KLHL8: variants seen among roughly 807,000 people sequenced by gnomAD.
KLHL8 encodes kelch like family member 8, also known as kelch-like protein 8.
Under a neutral mutation model 63.5 loss-of-function variants are expected in KLHL8, and 38 were observed. The observed-to-expected ratio is 0.60, with a 90% CI of 0.46 to 0.78. The LOEUF is 0.78. Among genes scored for constraint, KLHL8 ranks in the 30% least tolerant of loss-of-function variants. The pLI, the probability that KLHL8 is intolerant of heterozygous loss-of-function variation, is 0.00. For synonymous variants in KLHL8, 224 were observed against 254.3 expected (o/e 0.88, Z 1.13); for missense variants, 566 against 752.4 (o/e 0.75, Z 2.90).
At chr4:87,169,490 T>G (rs1172346388) in intron 8 of KLHL8, among the ~76,000 whole-genome samples, 2 of 152,212 alleles carry the variant, frequency 1.3e-5, no homozygotes, top group African/African-American at 4.8e-5. Flanking sequence ...TTAAATAAAT[T>G]TGTTACTCTT....
chr4:87,170,439 T>C lies in KLHL8; in HGVS notation c.1377+8A>G, dbSNP rs200101206. 482 of 1,588,998 alleles carry C rather than the reference T, an allele frequency of 3.0e-4. No individual in the cohort carries two copies. The highest frequency in any genetic ancestry group is 4.0e-4 in the Non-Finnish European group (471 of 1,171,956). On this transcript the variant is annotated splice_region_variant and intron_variant, in intron 7 of 9. Transcript: ENST00000273963. ...TGTAATTTAATGACAAGTTGCCATA[T>C]AACTTACTACTAGAGCAACAGAGCC...
intron 1 of KLHL8, among the ~76,000 whole-genome samples, chr4:87,209,318 T>A (rs774189903): frequency 6.6e-6 from 1 of 152,148 alleles, no homozygotes; most frequent in Non-Finnish European, 1.5e-5. Flanking sequence ...TGGCACATCA[T>A]TGTCATAACA....
rs929488973 is a variant in KLHL8 at position 87,160,634 on chromosome 4, A to G, written c.*2885T>C. The G allele has an allele frequency of 2.0e-5, 3 of 152,362 alleles. No individual in the cohort carries two copies. The East Asian group carries it at 5.8e-4, about 29-fold the overall frequency. The allele number at this position is 152,362 out of a possible 1,614,324, so 9.4% of individuals were successfully genotyped here. On this transcript the variant is annotated 3_prime_UTR_variant, in exon 10 of 10. Coordinates refer to ENST00000273963, the MANE Select transcript of KLHL8 (RefSeq NM_020803.5). The stretch of plus-strand genomic sequence containing the variant: ...TAATCAATTAATTACATAAGTATAT[A>G]GTGAAATCTGTCAAAAACAATGTCA...
chr4:87,175,493 T>C (rs1173672346), intron 6 of KLHL8, among the ~76,000 whole-genome samples: 1 of 152,202 alleles, frequency 6.6e-6, no homozygotes, highest in African/African-American at 2.4e-5. Context: ...TTAAAATACC[T>C]AAGGCAGGTT....
chr4:87,201,419 A>T (rs1469914491), intron 1 of KLHL8, among the ~76,000 whole-genome samples: 1 of 152,244 alleles, frequency 6.6e-6, no homozygotes, highest in Non-Finnish European at 1.5e-5. Context: ...AGGGAGAAAC[A>T]GACAAATTCA....
chr4:87,237,959 G>A (rs143435439), intron 1 of KLHL8, among the ~76,000 whole-genome samples: 180 of 151,770 alleles, frequency 1.2e-3, no homozygotes, highest in African/African-American at 1.8e-3. Flanking sequence ...TTTTTAAGAC[G>A]GAGTCTTGCT....
rs1730653807 is a variant in KLHL8 at position 87,172,029 on chromosome 4, ACCTTCATCCCCT to A, written c.1209-1426_1209-1415del. ...TTTAAGATACTCCTCATCCCCCATGACCTTCATCCCCTGGTGTTACTCTCATGACTATGCTAC... is the reference window on the plus strand; with the variant it reads ...TTTAAGATACTCCTCATCCCCCATGAGGTGTTACTCTCATGACTATGCTAC... On this transcript the variant is annotated intron_variant, in intron 6 of 9. Coordinates refer to ENST00000273963, the MANE Select transcript of KLHL8 (RefSeq NM_020803.5). Among the ~76,000 whole-genome samples the A allele has an allele frequency of 3.9e-5, 6 of 152,278 alleles. No individual in the cohort carries two copies. In the South Asian group the frequency reaches 1.2e-3, roughly 32 times the overall value.
intron 2 of KLHL8, among the ~76,000 whole-genome samples, chr4:87,193,144 T>A (rs1731558681): frequency 6.6e-6 from 1 of 152,230 alleles, no homozygotes; most frequent in Non-Finnish European, 1.5e-5. Flanking sequence ...TTCAATTTTT[T>A]AAAACTTTTT....
intron 1 of KLHL8, among the ~76,000 whole-genome samples, chr4:87,197,663 A>G (rs1731748026): frequency 6.6e-6 from 1 of 152,204 alleles, no homozygotes; most frequent in Non-Finnish European, 1.5e-5. Flanking sequence ...ACACAATAAA[A>G]AATGAATATA....
At chr4:87,189,595 T>C (rs974475653) in intron 2 of KLHL8, among the ~76,000 whole-genome samples, 4 of 152,148 alleles carry the variant, frequency 2.6e-5, no homozygotes, top group South Asian at 2.1e-4. Flanking sequence ...GACTTCATCA[T>C]GGCTCGAGTG....
At chr4:87,191,116 A>G (rs564000232) in intron 2 of KLHL8, among the ~76,000 whole-genome samples, 4 of 152,284 alleles carry the variant, frequency 2.6e-5, no homozygotes, top group Non-Finnish European at 5.9e-5. Context: ...TGTATATATA[A>G]TATACAAATA....
chr4:87,174,284 T>G (rs991689130), intron 6 of KLHL8, among the ~76,000 whole-genome samples: 41 of 146,264 alleles, frequency 2.8e-4, no homozygotes, highest in East Asian at 3.9e-4. Flanking sequence ...CACCTGCAAG[T>G]TTTTTTTTTT....
At chr4:87,178,809 T>C (rs1730935074) in intron 4 of KLHL8, among the ~76,000 whole-genome samples, 189 bp from the exon 5 acceptor site, 2 of 152,200 alleles carry the variant, frequency 1.3e-5, no homozygotes, top group Admixed American at 6.5e-5. Flanking sequence ...ATATCAACTA[T>C]CTCTGCTTGC....
intron 2 of KLHL8, among the ~76,000 whole-genome samples, chr4:87,186,481 CTTT>C (rs753634845): frequency 7.4e-5 from 10 of 134,556 alleles, no homozygotes; most frequent in Non-Finnish European, 9.7e-5. Context: ...ATTGTAAGTG[CTTT>C]TTTTTTTTTT....
intron 2 of KLHL8, among the ~76,000 whole-genome samples, chr4:87,195,079 GAAGTT>G (rs1262079666): frequency 6.6e-6 from 1 of 152,130 alleles, no homozygotes. Flanking sequence ...AGAACTCTCA[GAAGTT>G]AACTAAGAGA....
chr4:87,189,088 C>T (rs565022734), intron 2 of KLHL8, among the ~76,000 whole-genome samples: 24 of 152,220 alleles, frequency 1.6e-4, no homozygotes, highest in African/African-American at 4.3e-4. Flanking sequence ...AAATTATTTA[C>T]GGACAGAAAA....
At chr4:87,222,942 TTTTATTTTATTTTA>T (rs1215055891), upstream of KLHL8, among the ~76,000 whole-genome samples, 1 of 151,950 alleles carries the variant, frequency 6.6e-6, no homozygotes, top group Non-Finnish European at 1.5e-5. Context: ...TAGCCTAAGC[TTTTATTTTATTTTA>T]TTTATTTTAT....
At chr4:87,178,422 A>G (rs1219327448) in intron 5 of KLHL8, 55 bp downstream of exon 5, 5 of 1,490,198 alleles carry the variant, frequency 3.4e-6, no homozygotes, top group African/African-American at 2.9e-5. Context: ...CAGAGTTGAA[A>G]TATTTTAAAA....
At chr4:87,197,482 T>G (rs555267561) in intron 1 of KLHL8, among the ~76,000 whole-genome samples, 21 of 152,294 alleles carry the variant, frequency 1.4e-4, no homozygotes, top group African/African-American at 5.1e-4. Context: ...GAAGCAGATT[T>G]CTTCATAATT....
Sources: gnomAD v4.1 joint callset for allele counts (sites outside exome capture counted in the v4.1 genomes callset) on GRCh38, gnomAD v4.1.1 for gene constraint, MANE v1.5 for transcripts, NCBI Gene and HGNC (gene_info 2026-07-23, HGNC 2026-07-21) for gene names.